Variants in TMEM178B observed in about 807,000 individuals in gnomAD.
TMEM178B encodes transmembrane protein 178B.
A neutral mutation model predicts 31.0 loss-of-function variants in TMEM178B; 5 were observed. That is an observed-to-expected ratio of 0.16 (90% CI 0.08 to 0.34). The LOEUF (loss-of-function observed/expected upper bound fraction) is 0.34. TMEM178B is among the 10% of genes least tolerant of loss of function. The pLI, the probability that TMEM178B is intolerant of heterozygous loss-of-function variation, is 1.00. For missense variants in TMEM178B, 275 were observed against 400.3 expected, an observed-to-expected ratio of 0.69 and a Z score of 2.67; for synonymous variants, 164 against 164.0, an observed-to-expected ratio of 1.00 and a Z score of 0.00.
intron 2 of TMEM178B, among the ~76,000 whole-genome samples, chr7:141,436,187 G>C (rs1465431197): frequency 6.6e-6 from 1 of 152,212 alleles, no homozygotes; most frequent in Non-Finnish European, 1.5e-5. Context: ...GAGAGGAATG[G>C]AGGGGATGGG....
intron 1 of TMEM178B, among the ~76,000 whole-genome samples, chr7:141,117,062 T>C (rs1449315900): frequency 6.6e-6 from 1 of 152,210 alleles, no homozygotes; most frequent in African/African-American, 2.4e-5. Context: ...AATGTATTTC[T>C]GGTTCTAGAT....
chr7:141,384,254 T>C (rs1036583636), intron 2 of TMEM178B, among the ~76,000 whole-genome samples: 1 of 152,238 alleles, frequency 6.6e-6, no homozygotes, highest in African/African-American at 2.4e-5. Context: ...TGGCTTTTGT[T>C]GCCATTGCTT....
intron 2 of TMEM178B, among the ~76,000 whole-genome samples, chr7:141,372,422 G>C (rs1800135269): frequency 6.6e-6 from 1 of 152,144 alleles, no homozygotes; most frequent in Non-Finnish European, 1.5e-5. Context: ...AGATTACCCT[G>C]TGAGTCACCC....
At chr7:141,248,726 C>T (rs1450180107) in intron 2 of TMEM178B, among the ~76,000 whole-genome samples, 3 of 152,156 alleles carry the variant, frequency 2.0e-5, no homozygotes, top group Admixed American at 2.0e-4. Flanking sequence ...ATGGAGCTTG[C>T]AGGACTGCAA....
chr7:141,339,609 G>A (rs1231809727), intron 2 of TMEM178B, among the ~76,000 whole-genome samples: 3 of 152,202 alleles, frequency 2.0e-5, no homozygotes, highest in African/African-American at 7.2e-5. Context: ...ATAGAAAAAT[G>A]AGGACATTCA....
chr7:141,225,636 C>A (rs1384372135), intron 2 of TMEM178B, among the ~76,000 whole-genome samples: 1 of 152,194 alleles, frequency 6.6e-6, no homozygotes, highest in African/African-American at 2.4e-5. Flanking sequence ...TTACATCTTT[C>A]TATTTTCCAG....
intron 1 of TMEM178B, among the ~76,000 whole-genome samples, chr7:141,190,468 T>G (rs545670838): frequency 6.6e-6 from 1 of 151,888 alleles, no homozygotes. Flanking sequence ...CATGTGCCAC[T>G]GTGGCTAATT....
chr7:141,420,905 G>A (rs1801195339), intron 2 of TMEM178B, among the ~76,000 whole-genome samples: 1 of 152,150 alleles, frequency 6.6e-6, no homozygotes. Context: ...ACAACTACTG[G>A]GGCAGAGTCA....
At chr7:141,289,006 T>C (rs1232558035) in intron 2 of TMEM178B, among the ~76,000 whole-genome samples, 1 of 152,182 alleles carries the variant, frequency 6.6e-6, no homozygotes, top group African/African-American at 2.4e-5. Flanking sequence ...AAGATAACCC[T>C]GGAAAAAATT....
chr7:141,140,260 T>C (rs1289365085), intron 1 of TMEM178B, among the ~76,000 whole-genome samples: 2 of 152,220 alleles, frequency 1.3e-5, no homozygotes, highest in Admixed American at 6.5e-5. Flanking sequence ...TTTCCGAAGA[T>C]CTGAACTTTC....
At chr7:141,111,168 G>C (rs1040251856) in intron 1 of TMEM178B, among the ~76,000 whole-genome samples, 6 of 152,212 alleles carry the variant, frequency 3.9e-5, no homozygotes, top group African/African-American at 1.2e-4. Flanking sequence ...TCACAATCAT[G>C]GCGGAAGGTG....
intron 2 of TMEM178B, among the ~76,000 whole-genome samples, chr7:141,372,491 C>T (rs970581997): frequency 8.5e-5 from 13 of 152,254 alleles, no homozygotes; most frequent in African/African-American, 2.9e-4. Context: ...GCCTTCCATG[C>T]AGCAGTTACA....
chr7:141,404,247 A>G (rs1181722), intron 2 of TMEM178B, among the ~76,000 whole-genome samples: 149,844 of 152,360 alleles, frequency 0.98, 73,697 homozygotes, highest in East Asian at 1. Flanking sequence ...GGAGCTTGCA[A>G]TGAGCCGAGA....
chr7:141,466,195 G>T (rs1020093258), intron 3 of TMEM178B, among the ~76,000 whole-genome samples: 1 of 152,148 alleles, frequency 6.6e-6, no homozygotes, highest in African/African-American at 2.4e-5. Flanking sequence ...ACATAAAGGT[G>T]TTTTCCCATC....
At chr7:141,166,563 G>A (rs139928492) in intron 1 of TMEM178B, among the ~76,000 whole-genome samples, 1 of 152,186 alleles carries the variant, frequency 6.6e-6, no homozygotes, top group African/African-American at 2.4e-5. Context: ...CCACCTTCTA[G>A]TATCTACTGA....
intron 3 of TMEM178B, among the ~76,000 whole-genome samples, chr7:141,464,666 A>C (rs1024872298): frequency 6.6e-6 from 1 of 152,208 alleles, no homozygotes; most frequent in Non-Finnish European, 1.5e-5. Flanking sequence ...CTTGACCCAA[A>C]GATAGAAGTT....
intron 1 of TMEM178B, among the ~76,000 whole-genome samples, chr7:141,155,273 T>C (rs1487995950): frequency 1.3e-5 from 2 of 152,204 alleles, no homozygotes; most frequent in African/African-American, 2.4e-5. Context: ...GTACTCATCA[T>C]ACAGGGATGC....
intron 2 of TMEM178B, among the ~76,000 whole-genome samples, chr7:141,254,630 A>G (rs1323831191): frequency 6.6e-6 from 1 of 152,162 alleles, no homozygotes; most frequent in Admixed American, 6.5e-5. Flanking sequence ...AGGCAGGAGA[A>G]TGGCTTGAAC....
At chr7:141,506,018 T>C in the TMEM178B span, among the ~76,000 whole-genome samples, 1 of 152,230 alleles carries the variant, frequency 6.6e-6, no homozygotes, top group Admixed American at 6.5e-5. Context: ...CCAGGTCCCT[T>C]TGCAGATGAC....
Sources: allele counts gnomAD v4.1 joint callset (sites outside exome capture counted in the v4.1 genomes callset), GRCh38; gene constraint gnomAD v4.1.1; transcripts MANE v1.5; gene names NCBI Gene and HGNC (gene_info 2026-07-23, HGNC 2026-07-21).